Variants in CDIN1 observed in about 807,000 individuals in gnomAD.
CDIN1 encodes CDAN1-interacting nuclease 1.
Under a neutral mutation model 45.3 loss-of-function variants are expected in CDIN1, and 33 were observed. The ratio of observed to expected loss-of-function variants is 0.73; its 90% confidence interval spans 0.55 to 0.97. CDIN1 has a LOEUF of 0.97. Ranked by LOEUF, CDIN1 falls within the 50% of genes least tolerant of loss-of-function variation. The pLI is 0.00. For missense variants in CDIN1, 303 were observed against 339.4 expected (o/e 0.89, Z 0.84); for synonymous variants, 118 against 124.4 (o/e 0.95, Z 0.34).
intron 4 of CDIN1, 78 bp from the exon 5 acceptor site, chr15:36,657,755 T>C (rs2040837228): frequency 1.8e-6 from 2 of 1,128,748 alleles, no homozygotes; most frequent in African/African-American, 3.1e-5. Context: ...GACTTATTCT[T>C]CAGTGTTGAC....
At chr15:36,723,631 C>T (rs112077156) in intron 10 of CDIN1, among the ~76,000 whole-genome samples, 6 of 152,144 alleles carry the variant, frequency 3.9e-5, no homozygotes, top group African/African-American at 1.2e-4. Context: ...AGTGGGCACT[C>T]GTAGCTCACT....
intron 1 of CDIN1, chr15:36,642,090 GGACTCT>G (rs1375119124): frequency 6.6e-6 from 1 of 152,136 alleles, no homozygotes; most frequent in Non-Finnish European, 1.5e-5. Flanking sequence ...TGAGATCATG[GGACTCT>G]GATCCTCTCC....
At chr15:36,740,788 C>G (rs2044207722) in intron 10 of CDIN1, among the ~76,000 whole-genome samples, 1 of 151,750 alleles carries the variant, frequency 6.6e-6, no homozygotes, top group Non-Finnish European at 1.5e-5. Flanking sequence ...ATTCTGGAGG[C>G]TGAGGCAGGA....
At chr15:36,645,098 C>A in intron 2 of CDIN1, 125 bp from the exon 3 acceptor site, 1 of 719,408 alleles carries the variant, frequency 1.4e-6, no homozygotes. Context: ...ACCACAATTC[C>A]CAAGCTGTTA....
chr15:36,636,272 G>T (rs1031956903), intron 1 of CDIN1, among the ~76,000 whole-genome samples: 8 of 152,222 alleles, frequency 5.3e-5, no homozygotes, highest in African/African-American at 1.9e-4. Flanking sequence ...AAGGTAATGG[G>T]CCAGGCGCGG....
At chr15:36,721,124 T>G (rs1042729234) in intron 10 of CDIN1, among the ~76,000 whole-genome samples, 1 of 152,202 alleles carries the variant, frequency 6.6e-6, no homozygotes, top group African/African-American at 2.4e-5. Context: ...TTGATGAGGT[T>G]GTTTTTTTCT....
At chr15:36,589,974 T>C (rs1218685777) in intron 1 of CDIN1, among the ~76,000 whole-genome samples, 3 of 152,212 alleles carry the variant, frequency 2.0e-5, no homozygotes, top group Admixed American at 2.0e-4. Flanking sequence ...TAATACCTGC[T>C]TCACCTTTTC....
intron 1 of CDIN1, among the ~76,000 whole-genome samples, chr15:36,589,336 AT>A (rs1451317922): frequency 1.3e-5 from 2 of 152,084 alleles, no homozygotes; most frequent in Non-Finnish European, 2.9e-5. Flanking sequence ...ATGCTTCTTT[AT>A]TTTTAATTGT....
chr15:36,691,681 A>G lies in CDIN1; in HGVS notation c.347-4A>G. 1 of 1,583,120 alleles carries G rather than the reference A, an allele frequency of 6.3e-7. No homozygotes were observed. The highest frequency in any genetic ancestry group is 8.6e-7 in the Non-Finnish European group (1 of 1,159,322). On this transcript the variant is annotated splice_region_variant and splice_polypyrimidine_tract_variant and intron_variant, in intron 5 of 10. Coordinates refer to ENST00000566621, the MANE Select transcript of CDIN1 (RefSeq NM_001321759.2). ...GCTAACAGTTCATCTCTTTTCTTCT[A>G]CAGCCTCCAAGTCTATTATAAATAG...
chr15:36,587,863 C>CTGTTGTCTCTT (rs1342118508), intron 1 of CDIN1, among the ~76,000 whole-genome samples: 1 of 152,170 alleles, frequency 6.6e-6, no homozygotes, highest in African/African-American at 2.4e-5. Context: ...AAGTCAGGCT[C>CTGTTGTCTCTT]CAGAATCTCT....
intron 1 of CDIN1, among the ~76,000 whole-genome samples, chr15:36,606,657 G>A (rs1489190496): frequency 6.6e-6 from 1 of 152,126 alleles, no homozygotes; most frequent in Non-Finnish European, 1.5e-5. Flanking sequence ...CAGCAGTTCT[G>A]TATTTACCTG....
chr15:36,622,973 G>T (rs954031672), intron 1 of CDIN1, among the ~76,000 whole-genome samples: 1 of 152,212 alleles, frequency 6.6e-6, no homozygotes, highest in Non-Finnish European at 1.5e-5. Flanking sequence ...CAAATGTATG[G>T]AGCTGCCAAT....
chr15:36,739,137 A>C (rs1421005454), intron 10 of CDIN1, among the ~76,000 whole-genome samples: 2 of 152,206 alleles, frequency 1.3e-5, no homozygotes, highest in African/African-American at 4.8e-5. Flanking sequence ...TCATGCCTAT[A>C]ATCCCAACAC....
intron 5 of CDIN1, among the ~76,000 whole-genome samples, chr15:36,679,186 G>A (rs1047710153): frequency 6.6e-6 from 1 of 152,238 alleles, no homozygotes; most frequent in East Asian, 1.9e-4. Flanking sequence ...GTATGGGCTG[G>A]GGTGGGGGAG....
rs1467905203 is a variant in CDIN1, at chr15:36,682,598, A to C, written c.347-9087A>C. ...GGACCTCATGGAGAATCCTGTCTCT[A>C]CAAAAAAAAAAAAACAAAAATTAGC... On this transcript the variant is annotated intron_variant, in intron 5 of 10. Coordinates refer to ENST00000566621, the MANE Select transcript of CDIN1 (RefSeq NM_001321759.2). Among the ~76,000 whole-genome samples, 2 of 132,090 alleles carry C rather than the reference A, an allele frequency of 1.5e-5. 1 individual carries two copies. Among genetic ancestry groups the C allele is most frequent in the Non-Finnish European group, 3.5e-5 (2 of 57,934 alleles). 86.7% of individuals were successfully genotyped at this position (132,090 alleles called of 152,430 possible).
intron 10 of CDIN1, among the ~76,000 whole-genome samples, chr15:36,758,675 T>G (rs553578259): frequency 6.6e-6 from 1 of 152,328 alleles, no homozygotes; most frequent in Admixed American, 6.5e-5. Context: ...TCGGAAGATT[T>G]CTGAGCATTA....
intron 10 of CDIN1, among the ~76,000 whole-genome samples, chr15:36,778,201 T>C (rs1485662692): frequency 1.3e-5 from 2 of 152,164 alleles, no homozygotes; most frequent in African/African-American, 4.8e-5. Context: ...CACGCACTGC[T>C]GTTAGGAAGT....
chr15:36,586,871 G>A (rs1420064935), intron 1 of CDIN1, among the ~76,000 whole-genome samples: 3 of 152,242 alleles, frequency 2.0e-5, no homozygotes, highest in Non-Finnish European at 4.4e-5. Flanking sequence ...TAGCTATGAA[G>A]TATTAGAATC....
intron 10 of CDIN1, among the ~76,000 whole-genome samples, chr15:36,788,106 ATTTT>A (rs1172040193): frequency 3.0e-4 from 15 of 50,508 alleles, no homozygotes; most frequent in African/African-American, 1.2e-3. Flanking sequence ...ATATATATAT[ATTTT>A]TTTTTTTTTT....
Sources: gnomAD v4.1 joint callset for allele counts (sites outside exome capture counted in the v4.1 genomes callset) on GRCh38, gnomAD v4.1.1 for gene constraint, MANE v1.5 for transcripts, NCBI Gene and HGNC (gene_info 2026-07-23, HGNC 2026-07-21) for gene names.